ABCB1: variants seen among roughly 807,000 people sequenced by gnomAD.
The protein encoded by ABCB1 is ATP-dependent translocase ABCB1.
In ABCB1, 69 loss-of-function variants were observed where a neutral mutation model predicts 142.0. The ratio of observed to expected loss-of-function variants is 0.49; its 90% CI spans 0.40 to 0.59. ABCB1 has a LOEUF of 0.59. ABCB1 is among the 20% of genes least tolerant of loss of function. The probability of loss-of-function intolerance (pLI) is 0.00; values close to 1 mark genes in which losing one functional copy is unlikely to be tolerated. For synonymous variants in ABCB1, 532 were observed against 539.2 expected (o/e 0.99, Z 0.18); for missense variants, 1,326 against 1,554.7 (o/e 0.85, Z 2.47).
chr7:87,539,349 T>C lies in ABCB1; in HGVS notation c.2320-4A>G, dbSNP rs199577971. On this transcript the variant is annotated splice_polypyrimidine_tract_variant and splice_region_variant and intron_variant, in intron 18 of 27. Coordinates refer to ENST00000622132, the MANE Select transcript of ABCB1 (RefSeq NM_001348946.2). Reference sequence around the variant, plus strand: ...CAGCTTTGCCAAATGTGAAACCCTGTGGGCAGGAACATACCTTGTCAGGGA... The same window carrying C: ...CAGCTTTGCCAAATGTGAAACCCTGCGGGCAGGAACATACCTTGTCAGGGA... 28 of 1,614,048 alleles carry C rather than the reference T, an allele frequency of 1.7e-5. No homozygotes were observed. The highest frequency in any genetic ancestry group is 2.0e-5 in the Non-Finnish European group (24 of 1,179,930).
intron 4 of ABCB1, among the ~76,000 whole-genome samples, chr7:87,583,208 T>C (rs548970596): frequency 6.6e-6 from 1 of 152,318 alleles, no homozygotes; most frequent in Non-Finnish European, 1.5e-5. Context: ...GTTCTGTGAT[T>C]CTTCAATGAA....
chr7:87,609,066 G>C (rs1045859897), intron 1 of ABCB1, among the ~76,000 whole-genome samples: 1 of 152,148 alleles, frequency 6.6e-6, no homozygotes, highest in Admixed American at 6.6e-5. Flanking sequence ...GATGGTAAGA[G>C]TAGGCAGATA....
intron 1 of ABCB1, among the ~76,000 whole-genome samples, chr7:87,682,386 C>A (rs1827011486): frequency 6.6e-6 from 1 of 152,150 alleles, no homozygotes; most frequent in Non-Finnish European, 1.5e-5. Context: ...AGAAGATTTT[C>A]AATTTACTTT....
chr7:87,545,991 G>C lies in ABCB1; in HGVS notation c.1759C>G (p.His587Asp). The C allele has an allele frequency of 6.2e-7, 1 of 1,614,088 alleles. No individual in the cohort carries two copies. The highest frequency in any genetic ancestry group is 8.5e-7 in the Non-Finnish European group (1 of 1,180,002). The change falls in exon 15 of 28, where the codon CAT (histidine) becomes GAT (aspartate). Residue 587 changes from histidine to aspartate, a missense_variant. Transcript: ENST00000622132. ...GCATTACGAACTGTAGACAAACGAT[G>C]AGCTATCACAATGGTGGTCCGACCT... ...RKGRTTIVIA[H>D]RLSTVRNADV...
At chr7:87,625,986 A>G (rs1348755349) in intron 1 of ABCB1, among the ~76,000 whole-genome samples, 1 of 145,380 alleles carries the variant, frequency 6.9e-6, no homozygotes, top group Non-Finnish European at 1.5e-5. Flanking sequence ...ATATATATAT[A>G]TGTACATATA....
chr7:87,585,446 A>G (rs1818702905), intron 4 of ABCB1, 66 bp downstream of exon 4: 1 of 1,530,502 alleles, frequency 6.5e-7, no homozygotes, highest in Admixed American at 1.7e-5. Flanking sequence ...GAATCCATAA[A>G]CATCACTCTA....
chr7:87,531,236 A>G, intron 21 of ABCB1, 58 bp downstream of exon 21: 2 of 1,446,048 alleles, frequency 1.4e-6, no homozygotes, highest in South Asian at 1.1e-5. Flanking sequence ...TAACAAAATA[A>G]CACTGATTAG....
chr7:87,510,038 G>GCCCT (rs1158476955), intron 25 of ABCB1, among the ~76,000 whole-genome samples: 4 of 152,124 alleles, frequency 2.6e-5, no homozygotes, highest in Admixed American at 2.6e-4. Context: ...AAGGAACACA[G>GCCCT]CCCTCCTGAC....
rs140271658 is a variant in ABCB1 at position 87,562,061 on chromosome 7, A to G, written c.703-674T>C. Among the ~76,000 whole-genome samples, 8 of 152,326 alleles carry G rather than the reference A, an allele frequency of 5.3e-5. No homozygotes were observed. The East Asian group carries it at 1.5e-3, about 29-fold the overall frequency. The stretch of plus-strand genomic sequence containing the variant: ...GATTAAATAGAATTATATTCTTTCA[A>G]TAAAAAATTCATAGGCACTTGTGGA... On this transcript the variant is annotated intron_variant, in intron 7 of 27. Coordinates refer to ENST00000622132, the MANE Select transcript of ABCB1 (RefSeq NM_001348946.2).
chr7:87,674,531 A>G (rs1448537805), intron 1 of ABCB1, among the ~76,000 whole-genome samples: 1 of 152,080 alleles, frequency 6.6e-6, no homozygotes, highest in Admixed American at 6.6e-5. Context: ...GAGGAGGGTG[A>G]CATGTGCCAG....
intron 3 of ABCB1, among the ~76,000 whole-genome samples, chr7:87,587,189 C>G (rs1325253905): frequency 2.0e-5 from 3 of 152,080 alleles, no homozygotes; most frequent in Non-Finnish European, 2.9e-5. Flanking sequence ...AAGAGGTCTT[C>G]TTTTAGAGAT....
intron 5 of ABCB1, among the ~76,000 whole-genome samples, chr7:87,569,725 T>A (rs1312433035): frequency 6.6e-6 from 1 of 152,068 alleles, no homozygotes; most frequent in Non-Finnish European, 1.5e-5. Flanking sequence ...TCCTGCTCTT[T>A]CCCCCAGGCT....
intron 19 of ABCB1, among the ~76,000 whole-genome samples, chr7:87,538,711 C>T (rs3789246): frequency 0.068 from 10,298 of 152,186 alleles, 658 homozygotes; most frequent in African/African-American, 0.16. Flanking sequence ...AACATTCACA[C>T]GTGTCAATGG....
chr7:87,595,508 A>G (rs1199461453), intron 3 of ABCB1, among the ~76,000 whole-genome samples: 1 of 152,116 alleles, frequency 6.6e-6, no homozygotes, highest in African/African-American at 2.4e-5. Context: ...GTGCTTGTGT[A>G]GGTAATGGAT....
Position 87,641,750 on chromosome 7 carries a change from C to T in ABCB1, c.-330-40672G>A, listed in dbSNP as rs142279977. Among the ~76,000 whole-genome samples the T allele has an allele frequency of 2.0e-3, 311 of 152,288 alleles. 1 individual carries two copies. Among genetic ancestry groups the T allele is most frequent in the Admixed American group, 3.2e-3 (49 of 15,302 alleles). On this transcript the variant is annotated intron_variant, in intron 1 of 28. Coordinates refer to the ABCB1 transcript ENST00000265724. ...AGAAAGAAAGTGGATATGATGCCCA[C>T]ATTTTGTTGTTTTAGCTAAGTAAAA...
chr7:87,671,919 G>T lies in ABCB1; in HGVS notation c.-331+41242C>A, dbSNP rs1236046804. On this transcript the variant is annotated intron_variant, in intron 1 of 28. Coordinates refer to the ABCB1 transcript ENST00000265724. ...CTCTGTTGGCTGGAAAACACAGGCA[G>T]GAGTGCTGGAGGCCCTGGTTGGGAG... 2.6e-5 allele frequency among the ~76,000 whole-genome samples: 4 copies of T among 152,230 alleles called. No homozygotes were observed. In the East Asian group the frequency reaches 7.7e-4, roughly 29 times the overall value.
chr7:87,632,727 G>A (rs1287043171), intron 1 of ABCB1, among the ~76,000 whole-genome samples: 4 of 151,952 alleles, frequency 2.6e-5, no homozygotes, highest in Admixed American at 2.0e-4. Context: ...AAGCTTCATT[G>A]TTTACAGAAA....
rs1479325983 is a variant in ABCB1, at chr7:87,504,178, A to C, written c.*65T>G. 3 of 1,598,284 alleles carry C rather than the reference A, an allele frequency of 1.9e-6. No individual in the cohort carries two copies. In the East Asian group the frequency reaches 6.7e-5, roughly 36 times the overall value. On this transcript the variant is annotated 3_prime_UTR_variant, in exon 28 of 28. Coordinates refer to ENST00000622132, the MANE Select transcript of ABCB1 (RefSeq NM_001348946.2). ...ATAATTCTGTAAGTGTTTGCTTTTAACTTTGAATAAATGTCATATCTAAAC... is the reference window on the plus strand; with the variant it reads ...ATAATTCTGTAAGTGTTTGCTTTTACCTTTGAATAAATGTCATATCTAAAC...
intron 1 of ABCB1, among the ~76,000 whole-genome samples, chr7:87,702,168 A>AAAAAAAAAAAAAC (rs1345954938): frequency 6.7e-6 from 1 of 150,124 alleles, no homozygotes; most frequent in African/African-American, 2.4e-5. Context: ...AAAAAAAAAA[A>AAAAAAAAAAAAAC]AAAACAGAGA....
Sources: allele counts gnomAD v4.1 joint callset (sites outside exome capture counted in the v4.1 genomes callset), GRCh38; gene constraint gnomAD v4.1.1; transcripts MANE v1.5; gene names NCBI Gene and HGNC (gene_info 2026-07-23, HGNC 2026-07-21).